MTOR: variants seen among roughly 807,000 people sequenced by gnomAD.
The protein encoded by MTOR is mechanistic target of rapamycin kinase.
A neutral mutation model predicts 319.8 loss-of-function variants in MTOR; 70 were observed. That is an observed-to-expected ratio of 0.22 (90% confidence interval 0.18 to 0.27). The LOEUF (loss-of-function observed/expected upper bound fraction) is 0.27, where lower values mean the gene tolerates loss of function less well. MTOR is among the 10% of genes least tolerant of loss of function. The probability of loss-of-function intolerance (pLI) is 1.00; values close to 1 mark genes in which losing one functional copy is unlikely to be tolerated. For missense variants in MTOR, 1,890 were observed against 3,274.4 expected (o/e 0.58, Z 10.32); for synonymous variants, 1,183 against 1,211.4 (o/e 0.98, Z 0.49).
intron 19 of MTOR, among the ~76,000 whole-genome samples, chr1:11,227,608 T>C (rs997570619): frequency 2.0e-5 from 3 of 151,520 alleles, no homozygotes; most frequent in Non-Finnish European, 2.9e-5. Flanking sequence ...TAGGGACATA[T>C]AATCTTAGAA....
chr1:11,114,762 G>A (rs1288135777), intron 52 of MTOR, 51 bp downstream of exon 52: 1 of 1,563,080 alleles, frequency 6.4e-7, no homozygotes, highest in Non-Finnish European at 8.8e-7. Context: ...TCAGAAGGCT[G>A]TAACTGTCCT....
rs193300947 is a variant in MTOR, at chr1:11,141,493, T to G, written c.4873-1835A>C. ...AAGCGATTCTTCTGCCTCAGCCTCC[T>G]GAGTAGCTGGAACTACAGGTGTGTG... On this transcript the variant is annotated intron_variant, in intron 34 of 57. Transcript: ENST00000361445. 7.8e-3 allele frequency among the ~76,000 whole-genome samples: 1,180 copies of G among 152,076 alleles called. 21 individuals are homozygous for G. The highest frequency in any genetic ancestry group is 0.027 in the African/African-American group (1,112 of 41,522).
chr1:11,242,609 T>G (rs1170021540), intron 9 of MTOR, among the ~76,000 whole-genome samples: 1 of 151,668 alleles, frequency 6.6e-6, no homozygotes, highest in Admixed American at 6.6e-5. Context: ...CAAAGGATGA[T>G]GAACACTGAC....
intron 26 of MTOR, among the ~76,000 whole-genome samples, chr1:11,203,702 T>C (rs923280208): frequency 3.9e-5 from 6 of 152,304 alleles, no homozygotes; most frequent in Non-Finnish European, 7.4e-5. Flanking sequence ...CAAATTCTAT[T>C]TTCCAAAGAT....
At position 11,187,407 on chromosome 1, in the gene MTOR, C is replaced by T. The variant is rs551592179; in HGVS notation, c.4253+11851G>A. On this transcript the variant is annotated intron_variant, in intron 28 of 57. Coordinates refer to ENST00000361445, the MANE Select transcript of MTOR (RefSeq NM_004958.4). ...GCAGTACTTAGATTCTCACAAGGAG[C>T]ACGCAACCTAGATCCCTCACATGTG... is the stretch of plus-strand genomic sequence containing the variant. Among the ~76,000 whole-genome samples the T allele has an allele frequency of 2.0e-5, 3 of 152,320 alleles. No homozygotes were observed. The East Asian group carries it at 5.8e-4, about 29-fold the overall frequency.
intron 5 of MTOR, 90 bp from the exon 6 acceptor site, chr1:11,254,063 G>A (rs540135036): frequency 4.0e-4 from 607 of 1,515,728 alleles, no homozygotes; most frequent in Middle Eastern, 1.2e-3. Context: ...GGGGTTCTGA[G>A]GTGCTACCAC....
At chr1:11,162,129 T>G (rs2100587844) in intron 29 of MTOR, among the ~76,000 whole-genome samples, 1 of 152,246 alleles carries the variant, frequency 6.6e-6, no homozygotes, top group African/African-American at 2.4e-5. Context: ...GAGAACTACG[T>G]GATGCATGCA....
At chr1:11,178,989 T>G (rs188929458) in intron 28 of MTOR, among the ~76,000 whole-genome samples, 1 of 152,264 alleles carries the variant, frequency 6.6e-6, no homozygotes. Context: ...GGCCACAGTG[T>G]AGGAATAATG....
At chr1:11,216,424 C>T (rs778095650) in intron 19 of MTOR, among the ~76,000 whole-genome samples, 190 bp from the exon 20 acceptor site, 13 of 152,202 alleles carry the variant, frequency 8.5e-5, no homozygotes, top group Admixed American at 3.9e-4. Context: ...GAGGCCAAGG[C>T]GGGAGGACTG....
At chr1:11,192,326 T>C in intron 28 of MTOR, 1 of 1,614,108 alleles carries the variant, frequency 6.2e-7, no homozygotes, top group Non-Finnish European at 8.5e-7. Context: ...CTCTGGAGTG[T>C]ATAAGCTTCC....
At chr1:11,209,483 C>T (rs1197700335) in intron 24 of MTOR, 25 bp from the exon 25 acceptor site, 1 of 1,613,112 alleles carries the variant, frequency 6.2e-7, no homozygotes, top group East Asian at 2.2e-5. Context: ...TTATAGGAAA[C>T]ACCTATAACT....
rs200634566 is a variant in MTOR at position 11,144,694 on chromosome 1, G to C, written c.4826C>G (p.Pro1609Arg). ...LEEVIQYKLVPERREIIRQIW... is the reference protein window; with the variant it reads ...LEEVIQYKLVRERREIIRQIW... The stretch of plus-strand genomic sequence containing the variant: ...CTGGCGGATGATCTCTCGTCGCTCG[G>C]GGACAAGTTTGTACTGGATAACCTC... Residue 1609 changes from proline to arginine, a missense_variant, in exon 34 of 58, where the codon CCC (proline) becomes CGC (arginine). Coordinates refer to ENST00000361445, the MANE Select transcript of MTOR (RefSeq NM_004958.4). 6.2e-7 allele frequency: 1 copy of C among 1,614,064 alleles called. No individual in the cohort carries two copies. Among genetic ancestry groups the C allele is most frequent in the Non-Finnish European group, 8.5e-7 (1 of 1,180,022 alleles).
chr1:11,134,958 A>G (rs1157355911), intron 36 of MTOR, among the ~76,000 whole-genome samples: 1 of 152,248 alleles, frequency 6.6e-6, no homozygotes, highest in Non-Finnish European at 1.5e-5. Flanking sequence ...ACAGATTTGG[A>G]GTGAAAACCC....
At chr1:11,255,762 G>A (rs1196955707) in intron 5 of MTOR, among the ~76,000 whole-genome samples, 4 of 150,228 alleles carry the variant, frequency 2.7e-5, no homozygotes, top group African/African-American at 9.8e-5. Context: ...GGAGAAAATC[G>A]CTTGAACCCA....
intron 28 of MTOR, among the ~76,000 whole-genome samples, chr1:11,168,145 A>C (rs182059391): frequency 8.6e-5 from 13 of 151,954 alleles, no homozygotes; most frequent in Admixed American, 7.2e-4. Flanking sequence ...TGTTTCTGAA[A>C]CACCAGAAAC....
At position 11,257,217 on chromosome 1, in the gene MTOR, A is replaced by G. The variant is rs560791627; in HGVS notation, c.272-52T>C. The stretch of plus-strand genomic sequence containing the variant: ...GATGATGGGGCGTATGCTGGCCAGG[A>G]AAGTACGCAGACTTCAACTAAAAGC... On this transcript the variant is annotated intron_variant, in intron 3 of 57. Transcript: ENST00000361445. The G allele has an allele frequency of 9.2e-5, 136 of 1,484,978 alleles. No individual in the cohort carries two copies. In the East Asian group the frequency reaches 1.4e-3, roughly 15 times the overall value. The allele number at this position is 1,484,978 out of a possible 1,614,324, so 92.0% of individuals were successfully genotyped here. A position where few individuals can be genotyped will look rare whatever the true frequency, so the allele number is the denominator to read the frequency against.
intron 49 of MTOR, among the ~76,000 whole-genome samples, chr1:11,119,571 G>GAGA (rs1642387127): frequency 1.4e-5 from 1 of 71,654 alleles, no homozygotes; most frequent in Admixed American, 2.1e-4. Flanking sequence ...ATTCCGTCTC[G>GAGA]AGAAAAAAAA....
intron 11 of MTOR, among the ~76,000 whole-genome samples, chr1:11,239,940 T>C (rs1411124126): frequency 6.6e-6 from 1 of 151,172 alleles, no homozygotes; most frequent in Admixed American, 6.6e-5. Context: ...GAAATCATAC[T>C]GCCATAGACA....
At chr1:11,160,075 C>CATTTATTT (rs70977549) in intron 29 of MTOR, among the ~76,000 whole-genome samples, 48,324 of 143,070 alleles carry the variant, frequency 0.34, 8,763 homozygotes, top group African/African-American at 0.43. Flanking sequence ...TCAATTATAG[C>CATTTATTT]ATTTATTTAT....
Sources: allele counts gnomAD v4.1 joint callset (sites outside exome capture counted in the v4.1 genomes callset), GRCh38; gene constraint gnomAD v4.1.1; transcripts MANE v1.5; gene names NCBI Gene and HGNC (gene_info 2026-07-23, HGNC 2026-07-21).